Variants in ABCC12 observed in about 807,000 individuals in gnomAD.
ABCC12 encodes the protein ATP-binding cassette sub-family C member 12.
Under a neutral mutation model 151.1 loss-of-function variants are expected in ABCC12, and 142 were observed. The observed-to-expected ratio is 0.94, with a 90% confidence interval of 0.82 to 1.08. ABCC12 has a LOEUF of 1.08. ABCC12 is among the 50% of genes least tolerant of loss of function. The pLI, the probability that ABCC12 is intolerant of heterozygous loss-of-function variation, is 0.00. For synonymous variants in ABCC12, 645 were observed against 646.4 expected, an observed-to-expected ratio of 1.00 and a Z score of 0.03; for missense variants, 1,638 against 1,691.1, an observed-to-expected ratio of 0.97 and a Z score of 0.55.
chr16:48,117,956 G>C (rs1597314265), intron 13 of ABCC12, among the ~76,000 whole-genome samples: 1 of 152,342 alleles, frequency 6.6e-6, no homozygotes, highest in East Asian at 1.9e-4. Flanking sequence ...GAATGGGAGA[G>C]AGAGTGGGAC....
At chr16:48,130,017 G>A (rs1597319186) in intron 10 of ABCC12, among the ~76,000 whole-genome samples, 1 of 152,304 alleles carries the variant, frequency 6.6e-6, no homozygotes, top group East Asian at 1.9e-4. Flanking sequence ...CTGGTTGGAT[G>A]TGTATGGTAA....
At chr16:48,094,789 G>A (rs879909146) in intron 24 of ABCC12, among the ~76,000 whole-genome samples, 4 of 152,164 alleles carry the variant, frequency 2.6e-5, no homozygotes, top group Admixed American at 6.5e-5. Flanking sequence ...CTTTCCTGAA[G>A]TGAAGCCAGC....
chr16:48,151,286 A>G (rs1965113875), intron 2 of ABCC12, among the ~76,000 whole-genome samples: 1 of 152,126 alleles, frequency 6.6e-6, no homozygotes, highest in African/African-American at 2.4e-5. Flanking sequence ...ACATCAGACG[A>G]ATCCCAATTG....
chr16:48,117,234 T>C (rs1963912344), intron 14 of ABCC12, 27 bp downstream of exon 14: 1 of 1,606,318 alleles, frequency 6.2e-7, no homozygotes, highest in Middle Eastern at 1.7e-4. Flanking sequence ...GCAGCTACAG[T>C]GGGCTTGCGC....
rs759632420 is a variant in ABCC12, at chr16:48,083,595, C to T, written c.*120G>A. 38 of 1,010,858 alleles carry T rather than the reference C, an allele frequency of 3.8e-5. No homozygotes were observed. The highest frequency in any genetic ancestry group is 1.6e-4 in the Admixed American group (7 of 45,070). The allele number at this position is 1,010,858 out of a possible 1,614,324, so 62.6% of individuals were successfully genotyped here. On this transcript the variant is annotated 3_prime_UTR_variant, in exon 31 of 31. Transcript: ENST00000311303. ...GGACAACTTCAGCCCCAGCTCACTC[C>T]GTGGATGGGAGGGGCTGAAGACCAG...
chr16:48,137,831 C>A (rs1399137945), intron 8 of ABCC12, among the ~76,000 whole-genome samples: 2 of 152,178 alleles, frequency 1.3e-5, no homozygotes, highest in Non-Finnish European at 1.5e-5. Context: ...AACACAAGGA[C>A]GCTGCTGCAG....
chr16:48,128,310 A>G (rs1238088528), intron 11 of ABCC12, 149 bp downstream of exon 11: 1 of 1,231,434 alleles, frequency 8.1e-7, no homozygotes, highest in Non-Finnish European at 1.1e-6. Context: ...ACATAGTTTT[A>G]AAACTGGGGG....
intron 1 of ABCC12, among the ~76,000 whole-genome samples, chr16:48,154,460 C>T (rs1044744415): frequency 5.3e-5 from 8 of 152,106 alleles, no homozygotes; most frequent in South Asian, 2.1e-4. Context: ...ACGTTGAGCA[C>T]GGCAGCCCCT....
chr16:48,087,452 C>T (rs1962666535), intron 27 of ABCC12: 1 of 156,182 alleles, frequency 6.4e-6, no homozygotes, highest in African/African-American at 2.4e-5. Context: ...GAAGCTGCAG[C>T]CCTACTGTTC....
chr16:48,107,323 C>G lies in ABCC12; in HGVS notation c.2474G>C (p.Arg825Pro). ...WLGLWLDKGS[R>P]MTCGPQGNRT... is the part of the protein sequence containing the mutation. Reference sequence around the variant, plus strand: ...TTCCAATGCCAAAGGGAAACTCACCCGTGAGCCCTTGTCCAACCAGAGACC... The same window carrying G: ...TTCCAATGCCAAAGGGAAACTCACCGGTGAGCCCTTGTCCAACCAGAGACC... The change falls in exon 20 of 31, where the codon CGG (arginine) becomes CCG (proline). Residue 825 changes from arginine to proline, a missense_variant and splice_region_variant. Arg to Pro is a moderately radical substitution (Grantham distance 103). Coordinates refer to ENST00000311303, the MANE Select transcript of ABCC12 (RefSeq NM_001393797.1). 1 of 1,613,986 alleles carries G rather than the reference C, an allele frequency of 6.2e-7. No homozygotes were observed. The highest frequency in any genetic ancestry group is 1.1e-5 in the South Asian group (1 of 91,066).
At chr16:48,088,323 C>T (rs1962714413) in intron 26 of ABCC12, among the ~76,000 whole-genome samples, 1 of 152,190 alleles carries the variant, frequency 6.6e-6, no homozygotes, top group Non-Finnish European at 1.5e-5. Flanking sequence ...CCCTGTTGCA[C>T]TAGGATGATT....
At position 48,105,234 on chromosome 16, in the gene ABCC12, C is replaced by A. The variant is rs1257896460; in HGVS notation, c.2578G>T (p.Val860Leu). ...GTGACGCCAAACACCAGCATGAACA[C>A]CATGCTTGCAGTGTACACCCACTGG... ...VYQWVYTASMVFMLVFGVTKG... is the reference protein window; with the variant it reads ...VYQWVYTASMLFMLVFGVTKG... Residue 860 changes from valine (V) to leucine (L), a missense_variant, in exon 21 of 31, where the codon GTG (valine) becomes TTG (leucine). Coordinates refer to ENST00000311303, the MANE Select transcript of ABCC12 (RefSeq NM_001393797.1). The A allele has an allele frequency of 2.5e-6, 4 of 1,614,112 alleles. No homozygotes were observed. The South Asian group carries it at 4.4e-5, about 18-fold the overall frequency.
intron 15 of ABCC12, among the ~76,000 whole-genome samples, chr16:48,114,097 A>C (rs1963793177): frequency 6.6e-6 from 1 of 152,164 alleles, no homozygotes; most frequent in Non-Finnish European, 1.5e-5. Context: ...AGGCCAGAAG[A>C]AGAACTAGGA....
chr16:48,096,940 C>T, intron 23 of ABCC12, 38 bp from the exon 24 acceptor site: 1 of 1,613,542 alleles, frequency 6.2e-7, no homozygotes, highest in Non-Finnish European at 8.5e-7. Flanking sequence ...AACCTACAGT[C>T]AAGAAAATCA....
intron 22 of ABCC12, among the ~76,000 whole-genome samples, chr16:48,101,236 C>T (rs1476804104): frequency 1.3e-5 from 2 of 152,166 alleles, no homozygotes; most frequent in African/African-American, 4.8e-5. Context: ...CGTTTGGCCA[C>T]GGTGCTGTGT....
chr16:48,113,679 C>A (rs568396025), intron 15 of ABCC12, among the ~76,000 whole-genome samples: 2 of 152,190 alleles, frequency 1.3e-5, no homozygotes, highest in Non-Finnish European at 2.9e-5. Context: ...CTTGTGCCAC[C>A]TGGTGGCTAC....
chr16:48,103,967 T>C (rs1963392951), intron 22 of ABCC12, among the ~76,000 whole-genome samples, 175 bp downstream of exon 22: 1 of 151,974 alleles, frequency 6.6e-6, no homozygotes, highest in Non-Finnish European at 1.5e-5. Context: ...CCTCTCAGGG[T>C]TGCTCTGGGG....
intron 24 of ABCC12, among the ~76,000 whole-genome samples, chr16:48,094,242 T>C (rs904101063): frequency 1.3e-5 from 2 of 152,246 alleles, no homozygotes; most frequent in Admixed American, 1.3e-4. Flanking sequence ...AAAATTCATT[T>C]TTCCCCACTT....
chr16:48,122,984 G>A (rs1455657410), intron 12 of ABCC12, among the ~76,000 whole-genome samples: 1 of 152,238 alleles, frequency 6.6e-6, no homozygotes, highest in Admixed American at 6.5e-5. Flanking sequence ...GCATGTGGCA[G>A]AAACAGCTGG....
Sources: allele counts gnomAD v4.1 joint callset (sites outside exome capture counted in the v4.1 genomes callset), GRCh38; gene constraint gnomAD v4.1.1; transcripts MANE v1.5; gene names NCBI Gene and HGNC (gene_info 2026-07-23, HGNC 2026-07-21).